The following EXOC6 variants were observed in gnomAD, a reference collection of about 807,000 sequenced individuals.
EXOC6 encodes the protein SEC15-like 1.
Under a neutral mutation model 112.5 loss-of-function variants are expected in EXOC6, and 60 were observed. The observed-to-expected ratio is 0.53, with a 90% CI of 0.43 to 0.66. The LOEUF (loss-of-function observed/expected upper bound fraction) is 0.66. Ranked by LOEUF, EXOC6 falls within the 30% of genes least tolerant of loss-of-function variation. The pLI, the probability that EXOC6 is intolerant of heterozygous loss-of-function variation, is 0.00. For missense variants in EXOC6, 855 were observed against 957.1 expected (o/e 0.89, Z 1.41); for synonymous variants, 295 against 308.0 (o/e 0.96, Z 0.44).
At chr10:92,901,563 C>CT (rs914713587) in intron 5 of EXOC6, 2 of 145,996 alleles carry the variant, frequency 1.4e-5, no homozygotes, top group Non-Finnish European at 3.0e-5. Flanking sequence ...GTGTCTTTGT[C>CT]TTTGAGTATT....
intron 20 of EXOC6, among the ~76,000 whole-genome samples, chr10:93,020,394 CATAATA>C (rs77815473): frequency 1.3e-5 from 2 of 151,116 alleles, no homozygotes; most frequent in Admixed American, 6.6e-5. Context: ...TGATTCAAAC[CATAATA>C]ATAATAATAA....
chr10:92,916,510 A>G (rs1157878477), intron 7 of EXOC6, among the ~76,000 whole-genome samples: 1 of 152,204 alleles, frequency 6.6e-6, no homozygotes, highest in Non-Finnish European at 1.5e-5. Context: ...ACCTTGTCTC[A>G]AAAAGAAGAA....
chr10:92,920,086 A>G, intron 8 of EXOC6, 36 bp downstream of exon 8: 1 of 1,316,362 alleles, frequency 7.6e-7, no homozygotes, highest in Non-Finnish European at 1.0e-6. Context: ...ATATAGCTTT[A>G]TATTATTTAA....
chr10:92,853,184 G>A (rs919106901), intron 1 of EXOC6, among the ~76,000 whole-genome samples: 4 of 152,194 alleles, frequency 2.6e-5, no homozygotes, highest in African/African-American at 7.2e-5. Flanking sequence ...GACTAAAGAT[G>A]TGGAAGACTT....
At chr10:92,891,206 G>A (rs577567316) in intron 1 of EXOC6, among the ~76,000 whole-genome samples, 10 of 152,190 alleles carry the variant, frequency 6.6e-5, no homozygotes, top group South Asian at 2.1e-4. Context: ...ATTCATTTTC[G>A]GACATATTTG....
intron 1 of EXOC6, among the ~76,000 whole-genome samples, chr10:92,887,510 C>T (rs1849286911): frequency 6.7e-6 from 1 of 149,402 alleles, no homozygotes; most frequent in African/African-American, 2.5e-5. Flanking sequence ...CAGTTCTCTC[C>T]TGCCTCAGCC....
intron 7 of EXOC6, among the ~76,000 whole-genome samples, chr10:92,919,578 A>G (rs979550744): frequency 9.9e-5 from 15 of 152,204 alleles, no homozygotes; most frequent in Non-Finnish European, 1.9e-4. Context: ...ATAATGACCA[A>G]TCATATGACA....
chr10:92,938,440 A>G (rs190448600), intron 12 of EXOC6, among the ~76,000 whole-genome samples: 1 of 152,154 alleles, frequency 6.6e-6, no homozygotes, highest in Non-Finnish European at 1.5e-5. Context: ...GTGTCTTTTC[A>G]TGAAAACTAA....
intron 5 of EXOC6, among the ~76,000 whole-genome samples, chr10:92,904,916 TAG>T (rs1020890043): frequency 6.6e-5 from 10 of 152,076 alleles, no homozygotes; most frequent in Non-Finnish European, 1.5e-5. Context: ...TCTAGAGTCT[TAG>T]AGTTTTGTGT....
chr10:92,879,037 T>C (rs1848819590), intron 1 of EXOC6, among the ~76,000 whole-genome samples: 1 of 152,222 alleles, frequency 6.6e-6, no homozygotes, highest in African/African-American at 2.4e-5. Context: ...TTCTGCAGTT[T>C]AGTAAAGTTG....
intron 6 of EXOC6, among the ~76,000 whole-genome samples, chr10:92,910,347 G>T (rs1850674244): frequency 6.6e-6 from 1 of 152,162 alleles, no homozygotes; most frequent in African/African-American, 2.4e-5. Flanking sequence ...TCACAGATGT[G>T]TTGAGCCACA....
intron 1 of EXOC6, among the ~76,000 whole-genome samples, chr10:92,852,282 T>A (rs182441791): frequency 9.5e-4 from 145 of 152,310 alleles, no homozygotes; most frequent in African/African-American, 3.4e-3. Context: ...ACTGGTGGAT[T>A]CTACATCTTT....
At chr10:92,894,748 A>C (rs535878037) in intron 2 of EXOC6, 46 bp from the exon 3 acceptor site, 1 of 1,472,186 alleles carries the variant, frequency 6.8e-7, no homozygotes, top group African/African-American at 1.4e-5. Flanking sequence ...ACATCAGGGC[A>C]GTTTTATGCA....
chr10:92,971,826 T>TC (rs1483666757), intron 17 of EXOC6, among the ~76,000 whole-genome samples: 4 of 152,350 alleles, frequency 2.6e-5, no homozygotes, highest in Admixed American at 2.6e-4. Flanking sequence ...TTGCTTTTTT[T>TC]CCGTGTATTG....
At chr10:92,878,743 A>G (rs368120128) in intron 1 of EXOC6, among the ~76,000 whole-genome samples, 1 of 152,258 alleles carries the variant, frequency 6.6e-6, no homozygotes, top group African/African-American at 2.4e-5. Context: ...TGCCCTGCCC[A>G]TGCCTATCTA....
At position 92,955,589 on chromosome 10, in the gene EXOC6, A is replaced by G; in HGVS notation, c.1648A>G (p.Ile550Val). 1 of 1,610,560 alleles carries G rather than the reference A, an allele frequency of 6.2e-7. No individual in the cohort carries two copies. Among genetic ancestry groups the G allele is most frequent in the Non-Finnish European group, 8.5e-7 (1 of 1,178,310 alleles). Residue 550 changes from isoleucine (I) to valine (V), a missense_variant, in exon 17 of 22, where the codon ATC becomes GTC. Around this residue, in one of 2 missense-constraint regions of EXOC6, gnomAD observed 450 missense variants for 563.5 expected, o/e 0.80. Transcript: ENST00000260762. ...ATCTTGTGTTTTCTAGCTGGTACAA[A>G]TCATCATAAACACAACACACCTGGA... ...PHIGLTELVQ[I>V]IINTTHLEQA...
chr10:93,031,840 A>G (rs1300641793), intron 20 of EXOC6, among the ~76,000 whole-genome samples: 1 of 150,116 alleles, frequency 6.7e-6, no homozygotes, highest in African/African-American at 2.4e-5. Context: ...GAGGCACCCC[A>G]TAATACTACC....
At chr10:93,009,207 C>T (rs1160388130) in intron 19 of EXOC6, among the ~76,000 whole-genome samples, 3 of 151,830 alleles carry the variant, frequency 2.0e-5, no homozygotes, top group African/African-American at 7.3e-5. Flanking sequence ...GAGACCCTGT[C>T]GCAAAAAAAA....
chr10:92,879,430 G>A (rs1848839691), intron 1 of EXOC6, among the ~76,000 whole-genome samples: 1 of 152,122 alleles, frequency 6.6e-6, no homozygotes, highest in Non-Finnish European at 1.5e-5. Flanking sequence ...TCACACCACT[G>A]CACTCCAGCC....
Sources: allele counts gnomAD v4.1 joint callset (sites outside exome capture counted in the v4.1 genomes callset), GRCh38; gene constraint gnomAD v4.1.1; regional missense constraint gnomAD v4.1.1; transcripts MANE v1.5; gene names NCBI Gene and HGNC (gene_info 2026-07-23, HGNC 2026-07-21).